FBF1: variants seen among roughly 807,000 people sequenced by gnomAD.
FBF1 encodes Fas binding factor 1.
A neutral mutation model predicts 147.2 loss-of-function variants in FBF1; 119 were observed. The observed-to-expected ratio is 0.81, with a 90% CI of 0.70 to 0.94. FBF1 has a LOEUF of 0.94. Among genes scored for constraint, FBF1 ranks in the 40% least tolerant of loss-of-function variants. FBF1 has a pLI of 0.00. For missense variants in FBF1, 1,449 were observed against 1,500.8 expected (o/e 0.97, Z 0.57); for synonymous variants, 601 against 609.0 (o/e 0.99, Z 0.19).
At chr17:75,924,668 G>C (rs1461878962) in intron 13 of FBF1, among the ~76,000 whole-genome samples, 12 of 152,022 alleles carry the variant, frequency 7.9e-5, no homozygotes. Context: ...AGCAGAGACG[G>C]GGTTTCACCA....
At chr17:75,916,821 C>A (rs187200082) in intron 23 of FBF1, among the ~76,000 whole-genome samples, 1 of 152,162 alleles carries the variant, frequency 6.6e-6, no homozygotes, top group Non-Finnish European at 1.5e-5. Context: ...CACCACCACA[C>A]CCAGTTAATT....
rs147239343 is a variant in FBF1 at position 75,913,400 on chromosome 17, G to A, written c.3247+302C>T. On this transcript the variant is annotated intron_variant, in intron 28 of 29. Transcript: ENST00000636174. ...TGACCTCAGATGATCCGCCTGCCTCGGCTGCCGAAAGTGCTGAGATTATAG... is the reference window on the plus strand; with the variant it reads ...TGACCTCAGATGATCCGCCTGCCTCAGCTGCCGAAAGTGCTGAGATTATAG... 4.3e-3 allele frequency: 1,070 copies of A among 250,778 alleles called. 7 individuals carry two copies. Among genetic ancestry groups the A allele is most frequent in the Admixed American group, 6.5e-3 (123 of 18,912 alleles). The allele number at this position is 250,778 out of a possible 1,614,324, so 15.5% of individuals were successfully genotyped here.
chr17:75,911,799 C>T (rs1051873211), intron 29 of FBF1, among the ~76,000 whole-genome samples: 11 of 152,100 alleles, frequency 7.2e-5, no homozygotes, highest in Non-Finnish European at 1.3e-4. Flanking sequence ...GTGTGAGCCA[C>T]GCACCTGGTC....
rs1275484651 is a variant in FBF1 at position 75,921,788 on chromosome 17, T to C, written c.1526+157A>G. The stretch of plus-strand genomic sequence containing the variant: ...GATGGGGCAGGGTGGGCAGCCTCTG[T>C]GTAGGGCACAGGGACGGAGCAGGGT... On this transcript the variant is annotated intron_variant, in intron 15 of 29. Transcript: ENST00000636174. Among the ~76,000 whole-genome samples the C allele has an allele frequency of 7.0e-5, 9 of 128,112 alleles. No homozygotes were observed. In the East Asian group the frequency reaches 2.1e-3, roughly 30 times the overall value. The allele number at this position is 128,112 out of a possible 152,430, so 84.0% of individuals were successfully genotyped here.
chr17:75,920,163 C>A (rs2065516108), intron 18 of FBF1, 56 bp from the exon 19 acceptor site: 1 of 1,582,630 alleles, frequency 6.3e-7, no homozygotes. Context: ...GTACTCCACG[C>A]TGCCCTGTGC....
intron 2 of FBF1, 32 bp downstream of exon 2, chr17:75,938,115 T>C: frequency 6.2e-7 from 1 of 1,612,820 alleles, no homozygotes; most frequent in Non-Finnish European, 8.5e-7. Context: ...GCATGTTCGC[T>C]TTCCATGCAT....
chr17:75,931,317 C>A, intron 5 of FBF1, 28 bp from the exon 6 acceptor site: 1 of 1,567,510 alleles, frequency 6.4e-7, no homozygotes, highest in East Asian at 2.4e-5. Flanking sequence ...CAGCCCCTAC[C>A]TGCATCCCAG....
chr17:75,929,951 CCCCA>C, intron 7 of FBF1, 42 bp downstream of exon 7: 21 of 530,476 alleles, frequency 4.0e-5, no homozygotes, highest in Non-Finnish European at 6.6e-5. Context: ...CATGACCCCA[CCCCA>C]CCCACCCCCA....
chr17:75,911,456 C>T (rs913722532), intron 29 of FBF1, among the ~76,000 whole-genome samples: 2 of 152,206 alleles, frequency 1.3e-5, no homozygotes, highest in African/African-American at 4.8e-5. Context: ...AAGCAATCCT[C>T]CCACCTCAGC....
At chr17:75,921,807 G>T in intron 15 of FBF1, 138 bp downstream of exon 15, 1 of 806,066 alleles carries the variant, frequency 1.2e-6, no homozygotes, top group Non-Finnish European at 2.0e-6. Flanking sequence ...CAGGGACGGA[G>T]CAGGGTGGGC....
At position 75,928,594 on chromosome 17, in the gene FBF1, G is replaced by T. The variant is rs2065576140; in HGVS notation, c.280-401C>A. On this transcript the variant is annotated intron_variant, in intron 7 of 29. Transcript: ENST00000636174. The surrounding 1 kb of genome is among the most constrained non-coding windows in gnomAD (Gnocchi z 4.2). ...TTGGGCCGAGGCAGGTGGATCACCA[G>T]GTCAAGAAATCGAGACCATCCTGGC... Among the ~76,000 whole-genome samples the T allele has an allele frequency of 6.6e-6, 1 of 152,074 alleles. No homozygotes were observed. The highest frequency in any genetic ancestry group is 1.5e-5 in the Non-Finnish European group (1 of 68,012).
At chr17:75,932,943 G>T (rs2065603037) in intron 5 of FBF1, 52 bp downstream of exon 5, 3 of 1,248,684 alleles carry the variant, frequency 2.4e-6, no homozygotes, top group South Asian at 1.4e-5. Flanking sequence ...GAGGGGCAGA[G>T]AGCATTTAGA....
At chr17:75,912,120 C>G in intron 29 of FBF1, 72 bp downstream of exon 29, 1 of 1,437,962 alleles carries the variant, frequency 7.0e-7, no homozygotes, top group Non-Finnish European at 9.6e-7. Flanking sequence ...CTACCATGTG[C>G]TCCTCCCTGC....
At chr17:75,911,125 A>G (rs778271509) in intron 29 of FBF1, among the ~76,000 whole-genome samples, 26 of 152,144 alleles carry the variant, frequency 1.7e-4, no homozygotes, top group Admixed American at 2.0e-4. Context: ...AAAGCTTAAA[A>G]AATACACAAA....
chr17:75,912,430 G>A, intron 28 of FBF1, 123 bp from the exon 29 acceptor site: 1 of 642,620 alleles, frequency 1.6e-6, no homozygotes, highest in Non-Finnish European at 2.6e-6. Flanking sequence ...TACTCAGGGT[G>A]CAATGGCACT....
At chr17:75,940,039 G>A (rs987607038) in intron 1 of FBF1, among the ~76,000 whole-genome samples, 4 of 150,868 alleles carry the variant, frequency 2.7e-5, no homozygotes, top group African/African-American at 7.3e-5. Flanking sequence ...TCAGCCTCCC[G>A]GGTTCAAGCG....
In FBF1 at chr17:75,920,039, C is replaced by A; in HGVS notation, c.1899G>T (p.Gln633His). The A allele has an allele frequency of 6.2e-7, 1 of 1,602,830 alleles. No homozygotes were observed. The highest frequency in any genetic ancestry group is 8.5e-7 in the Non-Finnish European group (1 of 1,175,138). The change falls in exon 19 of 30, where the codon CAG becomes CAT. Residue 633 changes from glutamine to histidine, a missense_variant. Coordinates refer to ENST00000636174, the MANE Select transcript of FBF1 (RefSeq NM_001319193.2). ...CACTCTCGATGAGCTCCAGGTCTGC[C>A]TGGTGCTGCTGCTGCAGACTCCCCA... ...LLLGSLQQQH[Q>H]ADLELIESAH...
At chr17:75,929,945 A>ACGGGGC in intron 7 of FBF1, 52 bp downstream of exon 7, 18 of 650,880 alleles carry the variant, frequency 2.8e-5, no homozygotes, top group East Asian at 8.4e-5. Flanking sequence ...AAATATCATG[A>ACGGGGC]CCCCACCCCA....
At chr17:75,932,904 A>T in intron 5 of FBF1, 91 bp downstream of exon 5, 23 of 664,706 alleles carry the variant, frequency 3.5e-5, no homozygotes, top group Non-Finnish European at 5.4e-5. Context: ...AAAAATGGCG[A>T]GCAAATGTGA....
Sources: gnomAD v4.1 joint callset for allele counts (sites outside exome capture counted in the v4.1 genomes callset) on GRCh38, gnomAD v4.1.1 for gene constraint, Gnocchi (gnomAD v3.1) non-coding constraint, MANE v1.5 for transcripts, NCBI Gene and HGNC (gene_info 2026-07-23, HGNC 2026-07-21) for gene names.